The following POU6F2 variants were observed in gnomAD, a reference collection of about 807,000 sequenced individuals.
The protein encoded by POU6F2 is POU domain, class 6, transcription factor 2.
Under a neutral mutation model 71.3 loss-of-function variants are expected in POU6F2, and 31 were observed. The observed-to-expected ratio is 0.43, with a 90% CI of 0.33 to 0.59. The LOEUF (loss-of-function observed/expected upper bound fraction) is 0.59, where lower values mean the gene tolerates loss of function less well. Ranked by LOEUF, POU6F2 falls within the 20% of genes least tolerant of loss-of-function variation. POU6F2 has a pLI of 0.04. For synonymous variants in POU6F2, 347 were observed against 355.7 expected, an observed-to-expected ratio of 0.98 and a Z score of 0.27; for missense variants, 783 against 856.8, an observed-to-expected ratio of 0.91 and a Z score of 1.07.
rs73121868 is a variant in POU6F2 at position 39,346,586 on chromosome 7, A to C, written c.972+6571A>C. 7.3e-3 allele frequency among the ~76,000 whole-genome samples: 1,117 copies of C among 152,356 alleles called. 4 individuals are homozygous for C. The highest frequency in any genetic ancestry group is 0.012 in the Non-Finnish European group (810 of 68,040). On this transcript the variant is annotated intron_variant, in intron 5 of 9. Transcript: ENST00000518318. ...TTCACTGTTGGATGGTGGTTGATGA[A>C]ACTAATCCCAAAGTCTAGCTCAGAA...
chr7:39,042,979 A>G (rs916588825), intron 1 of POU6F2, among the ~76,000 whole-genome samples: 1 of 151,958 alleles, frequency 6.6e-6, no homozygotes, highest in Non-Finnish European at 1.5e-5. Flanking sequence ...CATGAATAAC[A>G]TTGGCAATTT....
chr7:39,099,004 C>G (rs1481481476), intron 2 of POU6F2, among the ~76,000 whole-genome samples: 1 of 152,158 alleles, frequency 6.6e-6, no homozygotes, highest in African/African-American at 2.4e-5. Context: ...TCTTTGCTTC[C>G]TAATGGCAAC....
At chr7:39,416,958 T>C (rs1787694273) in intron 6 of POU6F2, among the ~76,000 whole-genome samples, 2 of 152,174 alleles carry the variant, frequency 1.3e-5, no homozygotes. Flanking sequence ...TTTTTAGTAT[T>C]TAACAAAAAG....
intron 5 of POU6F2, among the ~76,000 whole-genome samples, chr7:39,367,412 T>C (rs888679685): frequency 6.6e-6 from 1 of 152,198 alleles, no homozygotes. Flanking sequence ...AGGAAAACCT[T>C]GGCTATCCAT....
chr7:39,057,878 T>G (rs1584521124), intron 1 of POU6F2, among the ~76,000 whole-genome samples: 1 of 152,202 alleles, frequency 6.6e-6, no homozygotes, highest in East Asian at 1.9e-4. Flanking sequence ...TACTAGTCTA[T>G]TCTTCACAGA....
At chr7:39,235,394 TATC>T (rs1025108661) in intron 4 of POU6F2, among the ~76,000 whole-genome samples, 11 of 152,208 alleles carry the variant, frequency 7.2e-5, no homozygotes, top group African/African-American at 2.7e-4. Context: ...AGGTAGTTGT[TATC>T]ATCTCCATTT....
At chr7:39,205,361 TG>T (rs1157453162) in intron 3 of POU6F2, among the ~76,000 whole-genome samples, 1 of 152,168 alleles carries the variant, frequency 6.6e-6, no homozygotes, top group African/African-American at 2.4e-5. Flanking sequence ...GTGAACATAC[TG>T]GGGGTAACAC....
chr7:39,396,578 G>C (rs1035266438), intron 5 of POU6F2, among the ~76,000 whole-genome samples: 1 of 152,118 alleles, frequency 6.6e-6, no homozygotes, highest in African/African-American at 2.4e-5. Context: ...TCCAGGCTTC[G>C]TGAAGCCATC....
At chr7:39,026,260 A>G (rs1484134968) in intron 1 of POU6F2, among the ~76,000 whole-genome samples, 4 of 151,478 alleles carry the variant, frequency 2.6e-5, no homozygotes, top group African/African-American at 9.7e-5. Flanking sequence ...GTATATACCC[A>G]AAGGACTATA....
chr7:38,986,080 T>A (rs1001787190), intron 1 of POU6F2, among the ~76,000 whole-genome samples: 1 of 152,092 alleles, frequency 6.6e-6, no homozygotes, highest in African/African-American at 2.4e-5. Context: ...ACTTTAAACA[T>A]TTTGGGAATA....
At chr7:39,176,672 C>T (rs1440465973) in intron 2 of POU6F2, among the ~76,000 whole-genome samples, 1 of 152,072 alleles carries the variant, frequency 6.6e-6, no homozygotes, top group African/African-American at 2.4e-5. Flanking sequence ...GAGTATAGAA[C>T]CAAAGAAAGG....
chr7:39,418,973 A>ATG (rs367548554), intron 6 of POU6F2, among the ~76,000 whole-genome samples: 3 of 119,008 alleles, frequency 2.5e-5, no homozygotes, highest in African/African-American at 1.1e-4. Context: ...ATGTGTATAT[A>ATG]TGTATATATA....
chr7:39,384,130 G>C (rs1786886830), intron 5 of POU6F2, among the ~76,000 whole-genome samples: 1 of 152,196 alleles, frequency 6.6e-6, no homozygotes, highest in African/African-American at 2.4e-5. Context: ...GGTCAAGGAG[G>C]GGAGGATAAA....
Position 39,159,109 on chromosome 7 carries a change from C to T in POU6F2, c.278-45126C>T, listed in dbSNP as rs113201239. On this transcript the variant is annotated intron_variant, in intron 2 of 9. Transcript: ENST00000518318. ...AGGAGAATTGCTTGAACCTGGGAGG[C>T]GGAGGTTGTAGTGAGCCGAGATGGT... Among the ~76,000 whole-genome samples the T allele has an allele frequency of 7.1e-3, 1,076 of 151,944 alleles. 9 individuals carry two copies. Among genetic ancestry groups the T allele is most frequent in the African/African-American group, 0.025 (1,032 of 41,432 alleles).
intron 5 of POU6F2, among the ~76,000 whole-genome samples, chr7:39,371,636 C>A (rs1786612823): frequency 6.6e-6 from 1 of 152,128 alleles, no homozygotes; most frequent in African/African-American, 2.4e-5. Context: ...TCCCCTTGAG[C>A]CAGCTTTGTG....
chr7:39,203,133 T>G (rs1314946962), intron 2 of POU6F2, among the ~76,000 whole-genome samples: 1 of 152,250 alleles, frequency 6.6e-6, no homozygotes, highest in African/African-American at 2.4e-5. Context: ...TTTCCATTAT[T>G]TATAAGTCTG....
chr7:39,267,330 T>G (rs902996174), intron 4 of POU6F2, among the ~76,000 whole-genome samples: 1 of 152,222 alleles, frequency 6.6e-6, no homozygotes, highest in African/African-American at 2.4e-5. Context: ...AGTTTTCTTA[T>G]CCTTTGAGCA....
intron 2 of POU6F2, among the ~76,000 whole-genome samples, chr7:39,176,979 C>T (rs557861579): frequency 6.6e-6 from 1 of 152,350 alleles, no homozygotes; most frequent in Admixed American, 6.5e-5. Context: ...TTTGCAGCCG[C>T]ATCTCATGAC....
intron 1 of POU6F2, among the ~76,000 whole-genome samples, chr7:39,009,899 T>C (rs1487567207): frequency 6.6e-6 from 1 of 151,648 alleles, no homozygotes. Flanking sequence ...GATAAGCTTT[T>C]TGATGTGCTG....
Sources: gnomAD v4.1 joint callset for allele counts (sites outside exome capture counted in the v4.1 genomes callset) on GRCh38, gnomAD v4.1.1 for gene constraint, MANE v1.5 for transcripts, NCBI Gene and HGNC (gene_info 2026-07-23, HGNC 2026-07-21) for gene names.